The following FGF1 variants were observed in gnomAD, a reference collection of about 807,000 sequenced individuals.
The protein encoded by FGF1 is beta-endothelial cell growth factor.
A neutral mutation model predicts 13.4 loss-of-function variants in FGF1; 9 were observed. The observed-to-expected ratio is 0.67, with a 90% CI of 0.40 to 1.17. The LOEUF (loss-of-function observed/expected upper bound fraction) is 1.17, where lower values mean the gene tolerates loss of function less well. FGF1 is among the 50% of genes most tolerant of loss of function. The probability of loss-of-function intolerance (pLI) is 0.01; values close to 1 mark genes in which losing one functional copy is unlikely to be tolerated. For missense variants in FGF1, 156 were observed against 192.7 expected, an observed-to-expected ratio of 0.81 and a Z score of 1.13; for synonymous variants, 93 against 79.0, an observed-to-expected ratio of 1.18 and a Z score of -0.94.
chr5:142,677,035 G>C (rs926733592), intron 1 of FGF1, among the ~76,000 whole-genome samples: 1 of 152,284 alleles, frequency 6.6e-6, no homozygotes, highest in East Asian at 1.9e-4. Flanking sequence ...GCCTGGACTG[G>C]CCCGGGCAGC....
chr5:142,657,561 G>T (rs1367278516), intron 1 of FGF1, among the ~76,000 whole-genome samples: 1 of 152,222 alleles, frequency 6.6e-6, no homozygotes, highest in Non-Finnish European at 1.5e-5. Flanking sequence ...TGTGAATGTT[G>T]TTCTTTTTTG....
chr5:142,677,490 G>A (rs1009332598), intron 1 of FGF1, among the ~76,000 whole-genome samples: 1 of 152,240 alleles, frequency 6.6e-6, no homozygotes, highest in Admixed American at 6.5e-5. Context: ...CTGCAGAGAT[G>A]ACACTAAGCC....
intron 1 of FGF1, among the ~76,000 whole-genome samples, chr5:142,669,782 A>G (rs959863578): frequency 1.3e-5 from 2 of 152,176 alleles, no homozygotes; most frequent in Non-Finnish European, 2.9e-5. Context: ...GAGGGGAAAG[A>G]TGAGATCTGC....
intron 1 of FGF1, among the ~76,000 whole-genome samples, chr5:142,623,301 C>T (rs532358055): frequency 1.1e-4 from 16 of 151,814 alleles, no homozygotes; most frequent in Non-Finnish European, 1.9e-4. Context: ...TGTAAGCATT[C>T]GATAGATATT....
rs1754767836 is a variant in FGF1, at chr5:142,594,062, C to T, written c.*1228G>A. 6.6e-6 allele frequency: 1 copy of T among 152,482 alleles called. No individual in the cohort carries two copies. Among genetic ancestry groups the T allele is most frequent in the Non-Finnish European group, 1.5e-5 (1 of 68,026 alleles). 9.4% of individuals were successfully genotyped at this position (152,482 alleles called of 1,614,324 possible). A position where few individuals can be genotyped will look rare whatever the true frequency, so the allele number is the denominator to read the frequency against. On this transcript the variant is annotated 3_prime_UTR_variant, in exon 4 of 4. Coordinates refer to ENST00000337706, the MANE Select transcript of FGF1 (RefSeq NM_000800.5). ...TTAAAATCATGCTCCTTAGTACAGG[C>T]ATAACTATTGTCAGTGCTGCCTGAA...
At chr5:142,637,949 G>A (rs778041796) in intron 1 of FGF1, among the ~76,000 whole-genome samples, 10 of 152,068 alleles carry the variant, frequency 6.6e-5, no homozygotes, top group Non-Finnish European at 1.2e-4. Context: ...GCTTGGTGAT[G>A]CTAGAGGAGA....
intron 3 of FGF1, among the ~76,000 whole-genome samples, chr5:142,596,757 A>C (rs1304708447): frequency 6.7e-6 from 1 of 148,786 alleles, no homozygotes; most frequent in African/African-American, 2.6e-5. Context: ...AAGAGTAATA[A>C]AAATGCTACT....
chr5:142,633,095 A>AT (rs763673429), intron 1 of FGF1, among the ~76,000 whole-genome samples: 7 of 151,574 alleles, frequency 4.6e-5, no homozygotes, highest in Non-Finnish European at 4.4e-5. Flanking sequence ...AATTTTTTTG[A>AT]TTTTTAGTAG....
Position 142,595,080 on chromosome 5 carries a change from G to C in FGF1, c.*210C>G. 1 of 461,236 alleles carries C rather than the reference G, an allele frequency of 2.2e-6. No homozygotes were observed. Among genetic ancestry groups the C allele is most frequent in the East Asian group, 3.5e-5 (1 of 28,568 alleles). The allele number at this position is 461,236 out of a possible 1,614,324, so 28.6% of individuals were successfully genotyped here. A position where few individuals can be genotyped will look rare whatever the true frequency, so the allele number is the denominator to read the frequency against. Reference sequence around the variant, plus strand: ...AGACTGGCCAGCCAGTTGACTCCTAGAAGCAATTTGGTCCCTCTGTTCTAA... The same window carrying C: ...AGACTGGCCAGCCAGTTGACTCCTACAAGCAATTTGGTCCCTCTGTTCTAA... On this transcript the variant is annotated 3_prime_UTR_variant, in exon 4 of 4. Transcript: ENST00000337706.
intron 1 of FGF1, among the ~76,000 whole-genome samples, chr5:142,669,978 G>A (rs906277842): frequency 8.5e-5 from 13 of 152,158 alleles, no homozygotes; most frequent in Admixed American, 6.5e-4. Context: ...CAAGGGAGAA[G>A]TCAGCTGGTC....
At chr5:142,598,611 A>T (rs375427697) in intron 3 of FGF1, among the ~76,000 whole-genome samples, 30 of 152,110 alleles carry the variant, frequency 2.0e-4, no homozygotes, top group African/African-American at 6.5e-4. Context: ...TTTCAAACTT[A>T]AAAAAAATAT....
intron 1 of FGF1, among the ~76,000 whole-genome samples, chr5:142,671,229 G>A (rs913727358): frequency 3.9e-5 from 6 of 152,194 alleles, no homozygotes; most frequent in Non-Finnish European, 7.3e-5. Context: ...CATGGTTCAG[G>A]AGAACCTTCT....
intron 1 of FGF1, among the ~76,000 whole-genome samples, chr5:142,683,244 T>C (rs1261665658): frequency 1.3e-5 from 2 of 152,132 alleles, no homozygotes; most frequent in African/African-American, 4.8e-5. Context: ...CTCTGCACAA[T>C]ACCTAACCCC....
intron 2 of FGF1, among the ~76,000 whole-genome samples, chr5:142,695,190 A>G (rs1462220387): frequency 2.0e-5 from 3 of 152,224 alleles, no homozygotes; most frequent in African/African-American, 7.2e-5. Flanking sequence ...TCGTAGGGTC[A>G]TTGTGAGGAT....
chr5:142,667,153 G>A (rs1014002786), intron 1 of FGF1, among the ~76,000 whole-genome samples: 6 of 151,788 alleles, frequency 4.0e-5, no homozygotes, highest in African/African-American at 1.5e-4. Context: ...CGGTGGTGAC[G>A]GGAGCCTTTA....
At chr5:142,597,333 G>A (rs1211352128) in intron 3 of FGF1, among the ~76,000 whole-genome samples, 4 of 152,176 alleles carry the variant, frequency 2.6e-5, no homozygotes. Context: ...AGGGGCAAGC[G>A]ATTAGGAGTA....
chr5:142,649,987 TG>T (rs1448027129), intron 1 of FGF1, among the ~76,000 whole-genome samples: 2 of 152,228 alleles, frequency 1.3e-5, no homozygotes, highest in African/African-American at 4.8e-5. Flanking sequence ...GTGTAGTCCA[TG>T]GGACATTTGT....
At chr5:142,599,699 T>C (rs1756062382) in intron 3 of FGF1, among the ~76,000 whole-genome samples, 1 of 152,196 alleles carries the variant, frequency 6.6e-6, no homozygotes, top group African/African-American at 2.4e-5. Flanking sequence ...CAAAATCACA[T>C]TGCCTCTATT....
chr5:142,641,300 C>G (rs1338284715), intron 1 of FGF1, among the ~76,000 whole-genome samples: 1 of 152,024 alleles, frequency 6.6e-6, no homozygotes, highest in South Asian at 2.1e-4. Flanking sequence ...CTTGTTTGAT[C>G]TGAGATTTCT....
Sources: allele counts gnomAD v4.1 joint callset (sites outside exome capture counted in the v4.1 genomes callset), GRCh38; gene constraint gnomAD v4.1.1; transcripts MANE v1.5; gene names NCBI Gene and HGNC (gene_info 2026-07-23, HGNC 2026-07-21).